HOMER1: variants seen among roughly 807,000 people sequenced by gnomAD.
The protein encoded by HOMER1 is homer protein homolog 1.
A neutral mutation model predicts 48.9 loss-of-function variants in HOMER1; 3 were observed. That is an observed-to-expected ratio of 0.06 (90% CI 0.03 to 0.16). HOMER1 has a LOEUF of 0.16. HOMER1 is among the 10% of genes least tolerant of loss of function. The pLI is 1.00. For missense variants in HOMER1, 247 were observed against 411.4 expected (o/e 0.60, Z 3.46); for synonymous variants, 134 against 146.4 (o/e 0.92, Z 0.61).
At chr5:79,433,206 C>T (rs1463547081) in intron 5 of HOMER1, among the ~76,000 whole-genome samples, 2 of 152,116 alleles carry the variant, frequency 1.3e-5, no homozygotes, top group African/African-American at 2.4e-5. Flanking sequence ...TACCTGAGAG[C>T]TCTTAACAGC....
intron 5 of HOMER1, among the ~76,000 whole-genome samples, chr5:79,406,694 A>G (rs1198405051): frequency 3.3e-5 from 5 of 152,224 alleles, no homozygotes; most frequent in African/African-American, 1.2e-4. Flanking sequence ...TCAGGTGAAG[A>G]CCTGTTATGG....
At chr5:79,509,046 T>C (rs1433331697) in intron 1 of HOMER1, among the ~76,000 whole-genome samples, 3 of 152,194 alleles carry the variant, frequency 2.0e-5, no homozygotes, top group Non-Finnish European at 4.4e-5. Context: ...TGGATCAAGA[T>C]TTTCACATTT....
At position 79,376,063 on chromosome 5, in the gene HOMER1, T is replaced by C. The variant is rs1561339084; in HGVS notation, c.1011A>G (p.Ile337Met). The part of the protein sequence containing the change: ...KTLLEILDGK[I>M]FELTELRDNL... ...TATCTCGTAATTCTGTTAGTTCAAATATCTTTCCATCCAGAATTTCTAAGA... is the reference window on the plus strand; with the variant it reads ...TATCTCGTAATTCTGTTAGTTCAAACATCTTTCCATCCAGAATTTCTAAGA... Residue 337 changes from isoleucine (I) to methionine (M), a missense_variant, in exon 9 of 9, where the codon ATA becomes ATG. Ile to Met is a conservative substitution (Grantham distance 10). This residue lies in a region of HOMER1 where 113 missense variants were observed against 152.5 expected (regional missense o/e 0.74). Transcript: ENST00000334082. 3.7e-6 allele frequency: 6 copies of C among 1,613,624 alleles called. No individual in the cohort carries two copies. The highest frequency in any genetic ancestry group is 5.1e-6 in the Non-Finnish European group (6 of 1,179,744).
chr5:79,446,227 C>T (rs1337999246), intron 4 of HOMER1, among the ~76,000 whole-genome samples: 1 of 152,158 alleles, frequency 6.6e-6, no homozygotes, highest in Non-Finnish European at 1.5e-5. Context: ...GGGCCAGTTA[C>T]CAGACAATGA....
rs936105040 is a variant in HOMER1, at chr5:79,394,342, G to A, written c.876+2481C>T. Among the ~76,000 whole-genome samples, 3 of 152,154 alleles carry A rather than the reference G, an allele frequency of 2.0e-5. No individual in the cohort carries two copies. In the East Asian group the frequency reaches 5.8e-4, roughly 29 times the overall value. The stretch of plus-strand genomic sequence containing the variant: ...TGATAAACAGGAGATGTTTCTGTGG[G>A]AGGGAGAAGGCTGCAGAGGAGGAAA... On this transcript the variant is annotated intron_variant, in intron 8 of 8. Coordinates refer to ENST00000334082, the MANE Select transcript of HOMER1 (RefSeq NM_004272.5).
intron 1 of HOMER1, among the ~76,000 whole-genome samples, chr5:79,493,638 CAAT>C (rs1203664116): frequency 1.3e-5 from 2 of 152,190 alleles, no homozygotes; most frequent in African/African-American, 4.8e-5. Flanking sequence ...TCTATGAGGA[CAAT>C]ATTTCTCCTA....
intron 1 of HOMER1, among the ~76,000 whole-genome samples, chr5:79,507,022 GCCAATACGGTGAAACCCCGTCTCTA>G: frequency 6.6e-6 from 1 of 151,736 alleles, no homozygotes; most frequent in South Asian, 2.1e-4. Context: ...AACCAGCCTG[GCCAATACGGTGAAACCCCGTCTCTA>G]CTAAAAAATG....
At chr5:79,440,726 T>C (rs1561364965) in intron 4 of HOMER1, among the ~76,000 whole-genome samples, 1 of 152,198 alleles carries the variant, frequency 6.6e-6, no homozygotes, top group African/African-American at 2.4e-5. Context: ...TAAGATATCA[T>C]AAAATAATCA....
chr5:79,457,660 C>T (rs1212729937), intron 1 of HOMER1, among the ~76,000 whole-genome samples: 1 of 152,114 alleles, frequency 6.6e-6, no homozygotes, highest in Non-Finnish European at 1.5e-5. Flanking sequence ...ATATATTAAG[C>T]AAGGTGTCTT....
At chr5:79,381,986 C>A (rs1748994987) in intron 8 of HOMER1, among the ~76,000 whole-genome samples, 1 of 151,290 alleles carries the variant, frequency 6.6e-6, no homozygotes, top group South Asian at 2.1e-4. Flanking sequence ...AACAGAAATT[C>A]TGGATATGAA....
At chr5:79,381,306 A>G (rs948662507) in intron 8 of HOMER1, among the ~76,000 whole-genome samples, 2 of 152,252 alleles carry the variant, frequency 1.3e-5, no homozygotes, top group African/African-American at 4.8e-5. Flanking sequence ...AATCAAAGCC[A>G]AAGTGCCCTG....
At chr5:79,465,632 G>A (rs1291739407) in intron 1 of HOMER1, among the ~76,000 whole-genome samples, 6 of 109,732 alleles carry the variant, frequency 5.5e-5, no homozygotes, top group Admixed American at 1.4e-4. Context: ...TCGCTCTGTC[G>A]CCCAGGCTGG....
chr5:79,425,704 G>A (rs1196165296), intron 5 of HOMER1, among the ~76,000 whole-genome samples: 1 of 151,886 alleles, frequency 6.6e-6, no homozygotes, highest in African/African-American at 2.4e-5. Context: ...CTTGGACTCA[G>A]GTAACATTCC....
chr5:79,450,808 AC>A (rs1334021563), intron 3 of HOMER1, among the ~76,000 whole-genome samples, 181 bp downstream of exon 3: 3 of 152,240 alleles, frequency 2.0e-5, no homozygotes, highest in Non-Finnish European at 4.4e-5. Context: ...TTTAATGTGT[AC>A]ATTTTCCAAG....
At chr5:79,460,071 T>C (rs1246761537) in intron 1 of HOMER1, among the ~76,000 whole-genome samples, 1 of 152,156 alleles carries the variant, frequency 6.6e-6, no homozygotes, top group Non-Finnish European at 1.5e-5. Flanking sequence ...CCCAGGCTGG[T>C]CTTGAAGTCT....
chr5:79,438,143 C>T (rs1750645188), intron 5 of HOMER1, among the ~76,000 whole-genome samples: 1 of 152,100 alleles, frequency 6.6e-6, no homozygotes, highest in South Asian at 2.1e-4. Context: ...TTCAATTTTG[C>T]TTAATATGCC....
At chr5:79,472,893 A>G (rs572963358) in intron 1 of HOMER1, among the ~76,000 whole-genome samples, 1 of 152,232 alleles carries the variant, frequency 6.6e-6, no homozygotes, top group Non-Finnish European at 1.5e-5. Context: ...AAAAGAAATC[A>G]GCCACAAACT....
chr5:79,420,286 T>C (rs1381196513), intron 5 of HOMER1, among the ~76,000 whole-genome samples: 1 of 152,216 alleles, frequency 6.6e-6, no homozygotes, highest in African/African-American at 2.4e-5. Context: ...CCAGTCTTTA[T>C]AGATTCTTTC....
intron 1 of HOMER1, among the ~76,000 whole-genome samples, chr5:79,495,558 C>G (rs1752397166): frequency 2.6e-5 from 4 of 152,202 alleles, no homozygotes. Context: ...CTACCAGTGC[C>G]TGGCATGACT....
Sources: gnomAD v4.1 joint callset for allele counts (sites outside exome capture counted in the v4.1 genomes callset) on GRCh38, gnomAD v4.1.1 for gene constraint, gnomAD v4.1.1 regional missense constraint, MANE v1.5 for transcripts, NCBI Gene and HGNC (gene_info 2026-07-23, HGNC 2026-07-21) for gene names.